The following NBPF20 variants were observed in gnomAD, a reference collection of about 807,000 sequenced individuals.
NBPF20 encodes NBPF member 20.
In NBPF20, 90 loss-of-function variants were observed where a neutral mutation model predicts 68.1. The ratio of observed to expected loss-of-function variants is 1.32; its 90% confidence interval spans 1.11 to 1.58. The LOEUF is 1.58. Ranked by LOEUF, NBPF20 falls within the 40% of genes most tolerant of loss-of-function variation. The pLI, the probability that NBPF20 is intolerant of heterozygous loss-of-function variation, is 0.00. For synonymous variants in NBPF20, 290 were observed against 228.1 expected (o/e 1.27, Z -2.45); for missense variants, 816 against 601.2 (o/e 1.36, Z -3.74).
upstream of NBPF20, among the ~76,000 whole-genome samples, chr1:145,410,426 T>A (rs1484872177): frequency 8.4e-4 from 126 of 150,392 alleles, no homozygotes; most frequent in Non-Finnish European, 1.5e-3. Context: ...GCCATTCTCC[T>A]GCCTCAGCCT....
At chr1:145,306,316 CAG>C (rs1265791527) in intron 119 of NBPF20, among the ~76,000 whole-genome samples, 3 of 147,886 alleles carry the variant, frequency 2.0e-5, no homozygotes, top group Non-Finnish European at 4.5e-5. Context: ...CACACACACA[CAG>C]AGAGAGAGAA....
Position 145,292,530 on chromosome 1 carries a change from T to G in NBPF20, c.16589-41A>C, listed in dbSNP as rs1286071543. ...ACATGGACAGACACATTAAGCTGAT[T>G]CCCCTACACACATAACAATCCACTG... On this transcript the variant is annotated intron_variant, in intron 136 of 137. Transcript: ENST00000369373. 3 of 682,792 alleles carry G rather than the reference T, an allele frequency of 4.4e-6. 1 individual carries two copies. The African/African-American group carries it at 6.1e-5, about 14-fold the overall frequency. The allele number at this position is 682,792 out of a possible 1,614,324, so 42.3% of individuals were successfully genotyped here. A position where few individuals can be genotyped will look rare whatever the true frequency, so the allele number is the denominator to read the frequency against.
At chr1:145,393,848 A>C in intron 9 of NBPF20, 36 bp downstream of exon 14, 1 of 1,475,088 alleles carries the variant, frequency 6.8e-7, no homozygotes, top group Non-Finnish European at 9.4e-7. Context: ...CCAGGTGTCA[A>C]CATCAAATTA....
At position 145,292,313 on chromosome 1, in the gene NBPF20, G is replaced by T. The variant is rs1553658100; in HGVS notation, c.16697+68C>A. ...GAAAACATGACATCAAACACACTCTGGTTTCCCTGAATCTGTTGCCTCCAG... is the reference window on the plus strand; with the variant it reads ...GAAAACATGACATCAAACACACTCTTGTTTCCCTGAATCTGTTGCCTCCAG... On this transcript the variant is annotated intron_variant, in intron 137 of 137. Transcript: ENST00000369373. 9 of 627,296 alleles carry T rather than the reference G, an allele frequency of 1.4e-5. No individual in the cohort carries two copies. The South Asian group carries it at 1.7e-4, about 12-fold the overall frequency. The allele number at this position is 627,296 out of a possible 1,614,324, so 38.9% of individuals were successfully genotyped here. A position where few individuals can be genotyped will look rare whatever the true frequency, so the allele number is the denominator to read the frequency against.
the NBPF20 span, among the ~76,000 whole-genome samples, chr1:145,413,434 GGAT>G: frequency 2.6e-5 from 4 of 151,764 alleles, no homozygotes; most frequent in Admixed American, 1.3e-4. Context: ...ATACAAGAAT[GGAT>G]CAATAAACTG....
At chr1:145,425,299 T>C in the NBPF20 span, among the ~76,000 whole-genome samples, 1 of 142,554 alleles carries the variant, frequency 7.0e-6, no homozygotes, top group Non-Finnish European at 1.5e-5. Flanking sequence ...GACCCAGCTG[T>C]GTACCCGCGG....
chr1:145,402,392 A>G lies in NBPF20; in HGVS notation c.279-11T>C, dbSNP rs1662565339. 6.9e-6 allele frequency: 11 copies of G among 1,602,414 alleles called. No individual in the cohort carries two copies. The Admixed American group carries it at 1.0e-4, about 15-fold the overall frequency. On this transcript the variant is annotated splice_polypyrimidine_tract_variant and intron_variant, in intron 3 of 137. Transcript: ENST00000369373. ...AGGACTTTATATTGCCTAAGGTGAG[A>G]CGGTAGAGAAAATTTAAGAGTGGAA...
At chr1:145,422,934 G>C in the NBPF20 span, among the ~76,000 whole-genome samples, 8 of 143,698 alleles carry the variant, frequency 5.6e-5, no homozygotes, top group Admixed American at 5.6e-4. Context: ...GTTGCAGTGA[G>C]CTGAGATCCT....
intron 5 of NBPF20, 123 bp from the exon 11 acceptor site, chr1:145,400,717 T>C (rs1213595861): frequency 7.5e-6 from 11 of 1,457,222 alleles, no homozygotes; most frequent in Non-Finnish European, 1.1e-5. Context: ...AAAATGGAGG[T>C]TCCCATTAAG....
At chr1:145,291,308 C>A (rs1553657395) in exon 138 of NBPF20, 2 of 705,876 alleles carry the variant, frequency 2.8e-6, no homozygotes, top group South Asian at 1.8e-5. Context: ...CCGGCATGTG[C>A]TGCACAGTTA....
chr1:145,411,111 T>C, the NBPF20 span, among the ~76,000 whole-genome samples: 17 of 146,674 alleles, frequency 1.2e-4, no homozygotes, highest in African/African-American at 3.9e-4. Flanking sequence ...TTTTATAATA[T>C]TGCTATTTTA....
chr1:145,410,698 A>ATG, the NBPF20 span, among the ~76,000 whole-genome samples: 389 of 112,972 alleles, frequency 3.4e-3, no homozygotes, highest in East Asian at 7.0e-3. Context: ...CAATATATAT[A>ATG]TATGTGTGTG....
intron 111 of NBPF20, 147 bp from the exon 117 acceptor site, chr1:145,312,527 T>C: frequency 4.8e-4 from 5 of 10,386 alleles, no homozygotes; most frequent in Non-Finnish European, 7.7e-4. Context: ...GCCTTTATGT[T>C]GGGATAGAAC....
chr1:145,397,212 A>C (rs1662292520), intron 7 of NBPF20, among the ~76,000 whole-genome samples: 1 of 149,728 alleles, frequency 6.7e-6, no homozygotes, highest in African/African-American at 2.5e-5. Context: ...TATTGTGAAT[A>C]GTGCCACAAT....
the NBPF20 span, among the ~76,000 whole-genome samples, chr1:145,416,047 CTT>C: frequency 1.3e-5 from 2 of 150,778 alleles, no homozygotes; most frequent in Non-Finnish European, 3.0e-5. Flanking sequence ...AGGAGAATCA[CTT>C]GAACTCAGGA....
At chr1:145,398,490 C>T (rs1359416817) in intron 7 of NBPF20, among the ~76,000 whole-genome samples, 1 of 152,046 alleles carries the variant, frequency 6.6e-6, no homozygotes, top group Non-Finnish European at 1.5e-5. Context: ...GGGAAAATAA[C>T]AAAATGAAGG....
At position 145,378,017 on chromosome 1, in the gene NBPF20, A is replaced by C. The variant is rs1661859268; in HGVS notation, c.3464+26T>G. ...CATCTCCAGGTGTCGACACAGAATT[A>C]AGCATCCATAATTGCTCAAAGTTAC... On this transcript the variant is annotated intron_variant, in intron 29 of 137. Transcript: ENST00000369373. 94 of 483,468 alleles carry C rather than the reference A, an allele frequency of 1.9e-4. 18 individuals are homozygous for C. Among genetic ancestry groups the C allele is most frequent in the South Asian group, 1.5e-3 (88 of 58,330 alleles). 29.9% of individuals were successfully genotyped at this position (483,468 alleles called of 1,614,324 possible). A position where few individuals can be genotyped will look rare whatever the true frequency, so the allele number is the denominator to read the frequency against.
the NBPF20 span, among the ~76,000 whole-genome samples, chr1:145,414,341 T>TA: frequency 6.6e-6 from 1 of 151,678 alleles, no homozygotes. Context: ...AACAGACAGG[T>TA]AAGGAGGAAA....
the NBPF20 span, among the ~76,000 whole-genome samples, chr1:145,417,234 C>G: frequency 6.6e-6 from 1 of 151,322 alleles, no homozygotes; most frequent in African/African-American, 2.4e-5. Context: ...GCCTTTCCAA[C>G]TAGTGGTGCT....
Sources: allele counts gnomAD v4.1 joint callset (sites outside exome capture counted in the v4.1 genomes callset), GRCh38; gene constraint gnomAD v4.1.1; transcripts MANE v1.5; gene names NCBI Gene and HGNC (gene_info 2026-07-23, HGNC 2026-07-21).